Variants in EFCAB6 observed in about 807,000 individuals in gnomAD.
EFCAB6 encodes the protein EF-hand calcium-binding domain-containing protein 6.
EFCAB6 carries 156 observed loss-of-function variants against 169.8 expected under a neutral mutation model. The ratio of observed to expected loss-of-function variants is 0.92; its 90% CI spans 0.81 to 1.05. The LOEUF is 1.05. Ranked by LOEUF, EFCAB6 falls within the 50% of genes least tolerant of loss-of-function variation. The probability of loss-of-function intolerance (pLI) is 0.00; values close to 1 mark genes in which losing one functional copy is unlikely to be tolerated. For missense variants in EFCAB6, 1,800 were observed against 1,829.1 expected, an observed-to-expected ratio of 0.98 and a Z score of 0.29; for synonymous variants, 698 against 676.4, an observed-to-expected ratio of 1.03 and a Z score of -0.50.
chr22:43,800,678 T>A (rs1467161125), intron 2 of EFCAB6, among the ~76,000 whole-genome samples: 1 of 152,042 alleles, frequency 6.6e-6, no homozygotes, highest in Non-Finnish European at 1.5e-5. Flanking sequence ...GAGAAATACA[T>A]TTGCTGAACT....
At chr22:43,703,547 G>C (rs1273985097) in intron 10 of EFCAB6, among the ~76,000 whole-genome samples, 1 of 151,694 alleles carries the variant, frequency 6.6e-6, no homozygotes, top group Non-Finnish European at 1.5e-5. Context: ...AAGGAATTCA[G>C]AACAATCCTC....
At chr22:43,810,621 T>C (rs758344838) in intron 1 of EFCAB6, among the ~76,000 whole-genome samples, 1 of 152,154 alleles carries the variant, frequency 6.6e-6, no homozygotes, top group Non-Finnish European at 1.5e-5. Context: ...GATCAGAGCA[T>C]GGGTGCTATA....
intron 10 of EFCAB6, among the ~76,000 whole-genome samples, chr22:43,698,116 G>A (rs951970327): frequency 1.3e-5 from 2 of 152,144 alleles, no homozygotes; most frequent in Admixed American, 1.3e-4. Context: ...TGGGCTTTCA[G>A]GGTGGCAGAA....
At position 43,646,519 on chromosome 22, in the gene EFCAB6, A is replaced by G. The variant is rs577680995; in HGVS notation, c.1984-11303T>C. ...ATTGCATTTATATAGAAATAGATGT[A>G]TAAATCAGTGGGATGAAAGTTTTCG... On this transcript the variant is annotated intron_variant, in intron 17 of 31. Transcript: ENST00000262726. Among the ~76,000 whole-genome samples the G allele has an allele frequency of 4.6e-5, 7 of 152,380 alleles. No individual in the cohort carries two copies. In the East Asian group the frequency reaches 1.2e-3, roughly 25 times the overall value.
intron 17 of EFCAB6, among the ~76,000 whole-genome samples, chr22:43,658,698 C>T (rs16990884): frequency 0.047 from 7,142 of 152,194 alleles, 191 homozygotes; most frequent in African/African-American, 0.055. Context: ...AGAATCTGGC[C>T]GTGTCCTCGG....
chr22:43,630,588 G>A (rs1489661588), intron 19 of EFCAB6, among the ~76,000 whole-genome samples: 1 of 152,222 alleles, frequency 6.6e-6, no homozygotes, highest in Non-Finnish European at 1.5e-5. Context: ...TGGGCAAGGT[G>A]CAGTGAGGCA....
At chr22:43,585,378 T>C (rs1206567817) in intron 24 of EFCAB6, among the ~76,000 whole-genome samples, 2 of 151,622 alleles carry the variant, frequency 1.3e-5, no homozygotes, top group Non-Finnish European at 2.9e-5. Flanking sequence ...AGGAGAGAAT[T>C]AGTGAGCTTG....
At chr22:43,764,636 C>G (rs2061269671) in intron 5 of EFCAB6, among the ~76,000 whole-genome samples, 1 of 152,114 alleles carries the variant, frequency 6.6e-6, no homozygotes. Context: ...GGCTGAACTA[C>G]AAATTTAATT....
At chr22:43,694,714 T>C (rs1331245756) in intron 10 of EFCAB6, among the ~76,000 whole-genome samples, 1 of 151,936 alleles carries the variant, frequency 6.6e-6, no homozygotes, top group African/African-American at 2.4e-5. Context: ...AACTACATGC[T>C]CATTAGGATA....
intron 10 of EFCAB6, among the ~76,000 whole-genome samples, chr22:43,705,731 T>C (rs148836596): frequency 6.6e-6 from 1 of 152,130 alleles, no homozygotes; most frequent in Non-Finnish European, 1.5e-5. Context: ...ATATGTGGGA[T>C]GCAACAAAAG....
chr22:43,670,132 G>C (rs571993562), intron 15 of EFCAB6, among the ~76,000 whole-genome samples: 2 of 152,264 alleles, frequency 1.3e-5, no homozygotes, highest in South Asian at 4.1e-4. Flanking sequence ...TGCTATAACT[G>C]CTGTAACCTC....
intron 26 of EFCAB6, among the ~76,000 whole-genome samples, chr22:43,574,983 C>T (rs1693852248): frequency 6.6e-6 from 1 of 152,122 alleles, no homozygotes; most frequent in Non-Finnish European, 1.5e-5. Context: ...GAACATGGAC[C>T]CGCCCTCCCA....
chr22:43,626,924 C>T (rs1201670332), intron 19 of EFCAB6, among the ~76,000 whole-genome samples: 2 of 152,130 alleles, frequency 1.3e-5, no homozygotes, highest in Admixed American at 1.3e-4. Context: ...GCAAAGAGTT[C>T]AGGGAAAGGA....
chr22:43,611,573 G>C (rs1279746136), intron 21 of EFCAB6, among the ~76,000 whole-genome samples: 1 of 152,158 alleles, frequency 6.6e-6, no homozygotes, highest in Non-Finnish European at 1.5e-5. Flanking sequence ...GAGGTAGGCA[G>C]ATCGCTTGAG....
chr22:43,554,797 A>G, intron 27 of EFCAB6, 72 bp downstream of exon 27: 1 of 1,319,952 alleles, frequency 7.6e-7, no homozygotes, highest in East Asian at 2.3e-5. Context: ...TAAACTCTGT[A>G]CATTCTGGCC....
chr22:43,707,977 CTT>C (rs1213649930), intron 10 of EFCAB6, among the ~76,000 whole-genome samples: 1 of 148,404 alleles, frequency 6.7e-6, no homozygotes, highest in Non-Finnish European at 1.5e-5. Context: ...GATTTTTAGA[CTT>C]TATAAGTTTA....
chr22:43,617,084 G>A (rs537978669), intron 20 of EFCAB6, among the ~76,000 whole-genome samples: 1 of 152,230 alleles, frequency 6.6e-6, no homozygotes, highest in Non-Finnish European at 1.5e-5. Flanking sequence ...TTCTCCAACT[G>A]CCTACCGGAC....
chr22:43,684,296 A>T (rs1485082343), intron 11 of EFCAB6, among the ~76,000 whole-genome samples: 2 of 152,196 alleles, frequency 1.3e-5, no homozygotes, highest in Non-Finnish European at 2.9e-5. Flanking sequence ...CAGACTTCTC[A>T]GCCTCTCCCT....
At chr22:43,753,478 A>G (rs1042561786) in intron 6 of EFCAB6, among the ~76,000 whole-genome samples, 1 of 152,150 alleles carries the variant, frequency 6.6e-6, no homozygotes, top group Non-Finnish European at 1.5e-5. Flanking sequence ...CAAAACAGAG[A>G]GCGCCTCTTC....
Sources: gnomAD v4.1 joint callset for allele counts (sites outside exome capture counted in the v4.1 genomes callset) on GRCh38, gnomAD v4.1.1 for gene constraint, MANE v1.5 for transcripts, NCBI Gene and HGNC (gene_info 2026-07-23, HGNC 2026-07-21) for gene names.